The following GAD2 variants were observed in gnomAD, a reference collection of about 807,000 sequenced individuals.
GAD2 encodes glutamate decarboxylase 2.
A neutral mutation model predicts 80.1 loss-of-function variants in GAD2; 22 were observed. The ratio of observed to expected loss-of-function variants is 0.27; its 90% confidence interval spans 0.20 to 0.39. The LOEUF (loss-of-function observed/expected upper bound fraction) is 0.39, where lower values mean the gene tolerates loss of function less well. Among genes scored for constraint, GAD2 ranks in the 10% least tolerant of loss-of-function variants. The pLI, the probability that GAD2 is intolerant of heterozygous loss-of-function variation, is 1.00. For synonymous variants in GAD2, 274 were observed against 256.9 expected (o/e 1.07, Z -0.64); for missense variants, 624 against 738.4 (o/e 0.85, Z 1.80).
chr10:26,254,414 G>A (rs1288395422), intron 8 of GAD2, among the ~76,000 whole-genome samples: 3 of 152,242 alleles, frequency 2.0e-5, no homozygotes, highest in African/African-American at 2.4e-5. Flanking sequence ...GACAGGAGGC[G>A]GGGCTCAGGC....
At chr10:26,276,365 T>C (rs1402886452) in intron 11 of GAD2, among the ~76,000 whole-genome samples, 1 of 151,870 alleles carries the variant, frequency 6.6e-6, no homozygotes, top group African/African-American at 2.4e-5. Context: ...GTGCATTGTA[T>C]TTTTATTTAT....
At chr10:26,216,541 C>A (rs1180086806), upstream of GAD2, 1 of 323,530 alleles carries the variant, frequency 3.1e-6, no homozygotes, top group Non-Finnish European at 5.5e-6. The surrounding 1 kb of genome is among the most constrained non-coding windows in gnomAD (Gnocchi z 4.7). Context: ...CTCCGAGGAC[C>A]CTTAGGTAGT....
At chr10:26,250,531 G>C (rs1447803847) in intron 8 of GAD2, among the ~76,000 whole-genome samples, 1 of 151,978 alleles carries the variant, frequency 6.6e-6, no homozygotes, top group Non-Finnish European at 1.5e-5. Context: ...GGAGAGGCAG[G>C]AGTAAGAAAG....
At chr10:26,240,819 G>A (rs547739802) in intron 7 of GAD2, among the ~76,000 whole-genome samples, 115 of 151,798 alleles carry the variant, frequency 7.6e-4, no homozygotes, top group African/African-American at 2.6e-3. Flanking sequence ...GGCGGATCAC[G>A]AGGTCAGGAG....
At chr10:26,299,361 T>C (rs554226886) in intron 15 of GAD2, among the ~76,000 whole-genome samples, 2 of 152,242 alleles carry the variant, frequency 1.3e-5, no homozygotes, top group African/African-American at 4.8e-5. Flanking sequence ...GTCTCCATTT[T>C]GAACCGGGTT....
chr10:26,227,105 G>A (rs1478086042), intron 6 of GAD2, among the ~76,000 whole-genome samples: 1 of 152,144 alleles, frequency 6.6e-6, no homozygotes, highest in Non-Finnish European at 1.5e-5. Flanking sequence ...CAATTCTTAT[G>A]CCTTAGCCTC....
chr10:26,272,533 A>C (rs1345048137), intron 10 of GAD2, among the ~76,000 whole-genome samples: 4 of 144,552 alleles, frequency 2.8e-5, no homozygotes, highest in Admixed American at 2.7e-4. Flanking sequence ...AGAATCTTAA[A>C]ATAGTACACG....
chr10:26,282,189 C>T (rs1055844638), intron 12 of GAD2, among the ~76,000 whole-genome samples: 2 of 152,204 alleles, frequency 1.3e-5, no homozygotes, highest in Non-Finnish European at 2.9e-5. Flanking sequence ...GTGATCCGCC[C>T]ACCTCAGCCT....
At chr10:26,239,867 A>G (rs977012814) in intron 7 of GAD2, among the ~76,000 whole-genome samples, 4 of 152,214 alleles carry the variant, frequency 2.6e-5, no homozygotes, top group African/African-American at 4.8e-5. Context: ...AGGAAAGCCA[A>G]CGCACCAGGT....
intron 7 of GAD2, among the ~76,000 whole-genome samples, chr10:26,239,835 T>C (rs1042645446): frequency 3.9e-5 from 6 of 152,064 alleles, no homozygotes; most frequent in Non-Finnish European, 7.4e-5. Context: ...GGAGAACAAG[T>C]TTAGCAAGCT....
At chr10:26,231,442 C>A (rs953217937) in intron 7 of GAD2, among the ~76,000 whole-genome samples, 5 of 152,168 alleles carry the variant, frequency 3.3e-5, no homozygotes, top group Non-Finnish European at 5.9e-5. Flanking sequence ...AGTTCATTAC[C>A]ACAGCAGTAG....
intron 13 of GAD2, among the ~76,000 whole-genome samples, chr10:26,292,213 T>C (rs899961176): frequency 1.3e-5 from 2 of 152,144 alleles, no homozygotes; most frequent in African/African-American, 4.8e-5. Context: ...TCAAACTAAT[T>C]GCCTGGGGAA....
chr10:26,293,047 T>A (rs1016668361), intron 15 of GAD2, 56 bp downstream of exon 15: 10 of 1,387,330 alleles, frequency 7.2e-6, no homozygotes, highest in Non-Finnish European at 1.0e-5. Context: ...CATGTGCACA[T>A]CTTCTTTATG....
intron 9 of GAD2, 91 bp downstream of exon 9, chr10:26,269,264 G>A: frequency 9.6e-7 from 1 of 1,045,394 alleles, no homozygotes. Flanking sequence ...TTAAAAAGAG[G>A]ATCCAAGCCT....
intron 6 of GAD2, among the ~76,000 whole-genome samples, chr10:26,229,055 G>A (rs1318358108): frequency 6.6e-6 from 1 of 152,082 alleles, no homozygotes; most frequent in Non-Finnish European, 1.5e-5. Flanking sequence ...TTAGCCGGGT[G>A]TGGTGGTGCA....
rs769706913 is a variant in GAD2, at chr10:26,292,554, G to A, written c.1476G>A (p.Glu492=). The A allele has an allele frequency of 6.2e-7, 1 of 1,611,116 alleles. No homozygotes were observed. The highest frequency in any genetic ancestry group is 8.5e-7 in the Non-Finnish European group (1 of 1,177,326). ...TCATAAAAAACCGAGAAGGATATGAGATGGTGTTTGATGGGAAGGTATGTA... is the reference window on the plus strand; with the variant it reads ...TCATAAAAAACCGAGAAGGATATGAAATGGTGTTTGATGGGAAGGTATGTA... ...YNIIKNREGY[E]MVFDGKPQHT... Residue 492 remains glutamate, a synonymous_variant, in exon 14 of 16, where the codon GAG becomes GAA. Coordinates refer to ENST00000376261, the MANE Select transcript of GAD2 (RefSeq NM_001134366.2).
intron 12 of GAD2, 93 bp from the exon 13 acceptor site, chr10:26,286,252 T>C: frequency 1.8e-6 from 2 of 1,111,226 alleles, no homozygotes; most frequent in Non-Finnish European, 2.6e-6. Context: ...AGATATGCAA[T>C]GTCTCTTACT....
intron 12 of GAD2, 49 bp downstream of exon 12, chr10:26,281,136 G>A: frequency 1.5e-6 from 2 of 1,319,664 alleles, no homozygotes; most frequent in Non-Finnish European, 2.2e-6. Flanking sequence ...GGCTTTGACT[G>A]TCTTTATGCG....
intron 7 of GAD2, among the ~76,000 whole-genome samples, chr10:26,240,786 C>T (rs1350760631): frequency 6.6e-6 from 1 of 150,906 alleles, no homozygotes; most frequent in African/African-American, 2.4e-5. Flanking sequence ...AATCCCAGCA[C>T]TTTGGGAGGC....
Sources: gnomAD v4.1 joint callset for allele counts (sites outside exome capture counted in the v4.1 genomes callset) on GRCh38, gnomAD v4.1.1 for gene constraint, Gnocchi (gnomAD v3.1) non-coding constraint, MANE v1.5 for transcripts, NCBI Gene and HGNC (gene_info 2026-07-23, HGNC 2026-07-21) for gene names.